MRPS25: variants seen among roughly 807,000 people sequenced by gnomAD.
MRPS25 encodes small ribosomal subunit protein mS25.
In MRPS25, 15 loss-of-function variants were observed where a neutral mutation model predicts 17.3. That is an observed-to-expected ratio of 0.87 (90% CI 0.58 to 1.34). The LOEUF is 1.34. MRPS25 is among the 40% of genes most tolerant of loss of function. MRPS25 has a pLI of 0.00. For synonymous variants in MRPS25, 94 were observed against 83.3 expected (o/e 1.13, Z -0.70); for missense variants, 225 against 218.6 (o/e 1.03, Z -0.19).
downstream of MRPS25, chr3:15,046,937 C>T (rs2042474875): frequency 6.6e-6 from 1 of 152,656 alleles, no homozygotes; most frequent in Non-Finnish European, 1.5e-5. Context: ...CTTTTGTACA[C>T]AGGGTCTGGA....
At chr3:15,047,851 T>C (rs934377015), downstream of MRPS25, 3 of 152,240 alleles carry the variant, frequency 2.0e-5, no homozygotes, top group Admixed American at 2.0e-4. Flanking sequence ...AGTTATGATT[T>C]TAAATTTTCA....
chr3:15,053,938 C>T (rs1225523636), intron 2 of MRPS25, among the ~76,000 whole-genome samples: 1 of 152,156 alleles, frequency 6.6e-6, no homozygotes, highest in Non-Finnish European at 1.5e-5. Flanking sequence ...ATTGAAATTA[C>T]TATAATCAAG....
chr3:15,056,814 G>C (rs529574413), intron 2 of MRPS25, among the ~76,000 whole-genome samples: 2 of 152,216 alleles, frequency 1.3e-5, no homozygotes. Context: ...AGCAGCCCTG[G>C]GACATTAATA....
chr3:15,051,888 G>T lies in MRPS25; in HGVS notation c.*553C>A. On this transcript the variant is annotated 3_prime_UTR_variant, in exon 4 of 4. Coordinates refer to ENST00000253686, the MANE Select transcript of MRPS25 (RefSeq NM_022497.5). ...CTCTGGCCCATGGCTAGGCCCCCCA[G>T]CAGGCAAGGGTAATCAACTGTACTT... The T allele has an allele frequency of 1.0e-6, 1 of 985,570 alleles. No homozygotes were observed. The highest frequency in any genetic ancestry group is 1.2e-6 in the Non-Finnish European group (1 of 830,012). 61.1% of individuals were successfully genotyped at this position (985,570 alleles called of 1,614,324 possible). A position where few individuals can be genotyped will look rare whatever the true frequency, so the allele number is the denominator to read the frequency against.
intron 1 of MRPS25, among the ~76,000 whole-genome samples, chr3:15,062,951 C>T (rs1257502746): frequency 6.6e-6 from 1 of 151,728 alleles, no homozygotes; most frequent in Non-Finnish European, 1.5e-5. Flanking sequence ...AACCAGAGAC[C>T]TTTGTTCACT....
In MRPS25 at chr3:15,052,219, A is replaced by C. The variant is rs2125131777; in HGVS notation, c.*222T>G. On this transcript the variant is annotated 3_prime_UTR_variant, in exon 4 of 4. Transcript: ENST00000253686. ...GATACACGCCAAGCTGCTATTAGGA[A>C]GCGTTTTATTGACCAGCAGAGCAGG... 3.1e-6 allele frequency: 4 copies of C among 1,274,974 alleles called. No individual in the cohort carries two copies. Among genetic ancestry groups the C allele is most frequent in the Non-Finnish European group, 4.0e-6 (4 of 1,011,336 alleles). The allele number at this position is 1,274,974 out of a possible 1,614,324, so 79.0% of individuals were successfully genotyped here. A position where few individuals can be genotyped will look rare whatever the true frequency, so the allele number is the denominator to read the frequency against.
rs1327118516 is a variant in MRPS25 at position 15,049,929 on chromosome 3, G to A, written c.*2512C>T. 6.5e-7 allele frequency: 1 copy of A among 1,531,686 alleles called. No homozygotes were observed. The highest frequency in any genetic ancestry group is 2.5e-5 in the East Asian group (1 of 40,616). 94.9% of individuals were successfully genotyped at this position (1,531,686 alleles called of 1,614,324 possible). ...ATACAGGTTTAGATGGTGCTGCCAG[G>A]TAGTGCCTCAAAGAGAAGAAAAGTG... On this transcript the variant is annotated 3_prime_UTR_variant, in exon 4 of 4. Transcript: ENST00000253686.
downstream of MRPS25, chr3:15,042,853 C>T: frequency 6.2e-7 from 1 of 1,614,030 alleles, no homozygotes; most frequent in Non-Finnish European, 8.5e-7. Context: ...GATCCTCGTT[C>T]GCCTGCCGGC....
chr3:15,064,497 G>A (rs1193194840), intron 1 of MRPS25, among the ~76,000 whole-genome samples: 1 of 152,170 alleles, frequency 6.6e-6, no homozygotes, highest in Non-Finnish European at 1.5e-5. Context: ...ACCGCTCACC[G>A]GCTGGCATGG....
downstream of MRPS25, chr3:15,047,192 T>G (rs2042487361): frequency 6.6e-6 from 1 of 152,636 alleles, no homozygotes; most frequent in Non-Finnish European, 1.5e-5. Context: ...TAATGTAAAC[T>G]GATATGGGTG....
chr3:15,042,325 AC>A (rs1328254987), downstream of MRPS25: 1 of 152,318 alleles, frequency 6.6e-6, no homozygotes, highest in Non-Finnish European at 1.5e-5. Flanking sequence ...AGAAAAAATC[AC>A]CTCAAATCCC....
chr3:15,042,599 G>T, downstream of MRPS25: 1 of 391,090 alleles, frequency 2.6e-6, no homozygotes, highest in Non-Finnish European at 4.5e-6. Flanking sequence ...GAGGAGAGTT[G>T]GAATAAACAA....
Position 15,059,601 on chromosome 3 carries a change from G to GA in MRPS25, c.135-127dup, listed in dbSNP as rs1451079602. On this transcript the variant is annotated intron_variant, in intron 1 of 3. Transcript: ENST00000253686. ...TTCTCAGAGGACCCAAAAAGGCTGAGAAAAAACTCGCAGGGATCCTCTTAG... is the reference window on the plus strand; with the variant it reads ...TTCTCAGAGGACCCAAAAAGGCTGAGAAAAAAACTCGCAGGGATCCTCTTAG... 5.8e-6 allele frequency: 4 copies of GA among 692,608 alleles called. No homozygotes were observed. The East Asian group carries it at 1.1e-4, about 19-fold the overall frequency. The allele number at this position is 692,608 out of a possible 1,614,324, so 42.9% of individuals were successfully genotyped here.
At chr3:15,065,016 G>C in intron 1 of MRPS25, 45 bp downstream of exon 1, 2 of 1,567,924 alleles carry the variant, frequency 1.3e-6, no homozygotes, top group Non-Finnish European at 1.7e-6. Flanking sequence ...AGGCTGGCAC[G>C]ACTAGCAGGT....
At chr3:15,057,573 T>C (rs2042689502) in intron 2 of MRPS25, among the ~76,000 whole-genome samples, 1 of 152,052 alleles carries the variant, frequency 6.6e-6, no homozygotes, top group Non-Finnish European at 1.5e-5. Flanking sequence ...TAAAACAAAA[T>C]GCATCTATAG....
intron 2 of MRPS25, among the ~76,000 whole-genome samples, chr3:15,053,979 G>A (rs574405521): frequency 9.2e-5 from 14 of 152,252 alleles, no homozygotes; most frequent in Admixed American, 7.8e-4. Flanking sequence ...GAATATGGCC[G>A]GGCGCGGTGG....
intron 1 of MRPS25, among the ~76,000 whole-genome samples, chr3:15,064,809 C>T (rs1400142698): frequency 2.0e-5 from 3 of 152,334 alleles, no homozygotes; most frequent in Middle Eastern, 3.4e-3. Context: ...CCCACCGCGC[C>T]GGAGGAAGGA....
downstream of MRPS25, chr3:15,046,364 C>G (rs1306953667): frequency 6.6e-6 from 1 of 152,210 alleles, no homozygotes; most frequent in Non-Finnish European, 1.5e-5. Flanking sequence ...GCGTTAGGCT[C>G]CTTAATCTCA....
chr3:15,057,471 G>A (rs894270377), intron 2 of MRPS25, among the ~76,000 whole-genome samples: 1 of 152,198 alleles, frequency 6.6e-6, no homozygotes, highest in East Asian at 1.9e-4. Flanking sequence ...CAAAAACCAC[G>A]AAACATGTAA....
Sources: allele counts gnomAD v4.1 joint callset (sites outside exome capture counted in the v4.1 genomes callset), GRCh38; gene constraint gnomAD v4.1.1; transcripts MANE v1.5; gene names NCBI Gene and HGNC (gene_info 2026-07-23, HGNC 2026-07-21).